LRBA: variants seen among roughly 807,000 people sequenced by gnomAD.
LRBA encodes the protein LPS responsive beige-like anchor protein.
In LRBA, 176 loss-of-function variants were observed where a neutral mutation model predicts 330.0. That is an observed-to-expected ratio of 0.53 (90% CI 0.47 to 0.60). LRBA has a LOEUF of 0.60. Ranked by LOEUF, LRBA falls within the 20% of genes least tolerant of loss-of-function variation. LRBA has a pLI of 0.00. For missense variants in LRBA, 3,259 were observed against 3,444.8 expected, an observed-to-expected ratio of 0.95 and a Z score of 1.35; for synonymous variants, 1,230 against 1,193.0, an observed-to-expected ratio of 1.03 and a Z score of -0.64.
intron 35 of LRBA, among the ~76,000 whole-genome samples, chr4:150,737,983 CTTTTTTTTT>C (rs774453122): frequency 8.9e-6 from 1 of 112,156 alleles, no homozygotes; most frequent in African/African-American, 3.6e-5. Context: ...TTCTCTGAAT[CTTTTTTTTT>C]TTTTTTTTTT....
chr4:150,421,200 AATAT>A (rs970085225), intron 46 of LRBA, among the ~76,000 whole-genome samples: 4 of 136,504 alleles, frequency 2.9e-5, no homozygotes, highest in Admixed American at 1.6e-4. Flanking sequence ...AAACATATAT[AATAT>A]ATAAAGTATA....
chr4:150,858,803 T>TGAGCCAC (rs1284049095), intron 22 of LRBA, among the ~76,000 whole-genome samples: 1 of 152,138 alleles, frequency 6.6e-6, no homozygotes, highest in African/African-American at 2.4e-5. Flanking sequence ...CTGGGAGGCA[T>TGAGCCAC]GAGCCACCAT....
chr4:150,914,307 G>C lies in LRBA; in HGVS notation c.1049C>G (p.Thr350Arg). 1 of 1,578,986 alleles carries C rather than the reference G, an allele frequency of 6.3e-7. No homozygotes were observed. Among genetic ancestry groups the C allele is most frequent in the Non-Finnish European group, 8.6e-7 (1 of 1,161,032 alleles). ...FDKCFLGSSE[T>R]ADANRVFCGQ... ...ACAGAATACTCTATTAGCATCTGCT[G>C]TTTCTGATGAGCCCAGGAAACATTT... Residue 350 changes from threonine (T) to arginine (R), a missense_variant, in exon 9 of 57, where the codon ACA (threonine) becomes AGA (arginine). By Grantham distance (71) the Thr-to-Arg change is moderately conservative (BLOSUM62 -1). Transcript: ENST00000651943.
At chr4:150,586,447 T>C (rs147757177) in intron 40 of LRBA, among the ~76,000 whole-genome samples, 1 of 152,284 alleles carries the variant, frequency 6.6e-6, no homozygotes, top group Non-Finnish European at 1.5e-5. Flanking sequence ...TGTCCTCATT[T>C]ACAGAACACC....
intron 2 of LRBA, among the ~76,000 whole-genome samples, chr4:150,967,714 C>T (rs1217634833): frequency 2.0e-5 from 3 of 152,186 alleles, no homozygotes; most frequent in East Asian, 3.8e-4. Flanking sequence ...GTAAATCTCA[C>T]AATATCTCCA....
chr4:150,958,105 T>C lies in LRBA; in HGVS notation c.217-29040A>G, dbSNP rs972875015. Among the ~76,000 whole-genome samples the C allele has an allele frequency of 5.4e-5, 8 of 149,188 alleles. 1 individual carries two copies. Among genetic ancestry groups the C allele is most frequent in the African/African-American group, 2.1e-4 (8 of 38,574 alleles). On this transcript the variant is annotated intron_variant, in intron 2 of 56. Coordinates refer to ENST00000651943, the MANE Select transcript of LRBA (RefSeq NM_001364905.1). ...CTAGGCAGTGCCCCAGTGGAAACTCTGTGGAGGCGCTTGTACCCCACATTT... is the reference window on the plus strand; with the variant it reads ...CTAGGCAGTGCCCCAGTGGAAACTCCGTGGAGGCGCTTGTACCCCACATTT...
intron 37 of LRBA, among the ~76,000 whole-genome samples, chr4:150,654,192 GT>G (rs1779962819): frequency 6.6e-6 from 1 of 152,034 alleles, no homozygotes; most frequent in Admixed American, 6.6e-5. Context: ...TGTTGTCATT[GT>G]TTTTTGTTGT....
Position 150,270,536 on chromosome 4 carries a change from G to C in LRBA, c.8469-4724C>G, listed in dbSNP as rs577607941. On this transcript the variant is annotated intron_variant, in intron 56 of 56. Coordinates refer to ENST00000651943, the MANE Select transcript of LRBA (RefSeq NM_001364905.1). ...CATGCACATGAGCTGGTGGGAGAGA[G>C]AGTCATTAACATGCAGAGCTTCTGT... 1.3e-3 allele frequency among the ~76,000 whole-genome samples: 195 copies of C among 152,160 alleles called. 1 individual carries two copies. The highest frequency in any genetic ancestry group is 2.3e-3 in the Non-Finnish European group (159 of 68,030).
chr4:150,377,243 G>A, intron 47 of LRBA, among the ~76,000 whole-genome samples: 1 of 151,730 alleles, frequency 6.6e-6, no homozygotes, highest in East Asian at 1.9e-4. Flanking sequence ...TATAGATTTA[G>A]GATTTAAAAG....
chr4:150,345,132 T>C lies in LRBA; in HGVS notation c.7362+4860A>G, dbSNP rs549018739. On this transcript the variant is annotated intron_variant, in intron 48 of 56. Coordinates refer to ENST00000651943, the MANE Select transcript of LRBA (RefSeq NM_001364905.1). ...TTTGGGCTTAGTACCTATCCTATGC[T>C]TGTGCATACATACTTACATATATTT... 1.8e-3 allele frequency among the ~76,000 whole-genome samples: 276 copies of C among 152,308 alleles called. 12 individuals are homozygous for C. In the South Asian group the frequency reaches 0.055, roughly 31 times the overall value.
intron 56 of LRBA, among the ~76,000 whole-genome samples, chr4:150,269,687 A>G (rs775656865): frequency 7.9e-5 from 12 of 152,220 alleles, no homozygotes; most frequent in Non-Finnish European, 1.6e-4. Context: ...GCTTATGGCT[A>G]TAATCCCATC....
intron 36 of LRBA, among the ~76,000 whole-genome samples, chr4:150,706,209 T>C (rs573679469): frequency 1.4e-4 from 22 of 151,818 alleles, no homozygotes; most frequent in Non-Finnish European, 3.0e-4. Context: ...TCAAAACACA[T>C]TGTAAAGACT....
intron 53 of LRBA, among the ~76,000 whole-genome samples, chr4:150,298,269 A>G (rs1729210091): frequency 6.6e-6 from 1 of 152,156 alleles, no homozygotes; most frequent in Non-Finnish European, 1.5e-5. Context: ...TAAATAATTC[A>G]CACCTGGACA....
intron 37 of LRBA, among the ~76,000 whole-genome samples, chr4:150,642,395 G>T (rs998190169): frequency 2.6e-5 from 4 of 151,952 alleles, no homozygotes; most frequent in Non-Finnish European, 5.9e-5. Context: ...TGAAAGAAAA[G>T]AATGGTATTT....
At chr4:150,801,987 G>A (rs533026884) in intron 33 of LRBA, among the ~76,000 whole-genome samples, 32 of 150,230 alleles carry the variant, frequency 2.1e-4, no homozygotes, top group Non-Finnish European at 3.3e-4. Flanking sequence ...CCTGGGCAAC[G>A]CAGCAAAACC....
intron 37 of LRBA, among the ~76,000 whole-genome samples, chr4:150,673,515 C>T (rs1782257347): frequency 6.6e-6 from 1 of 152,088 alleles, no homozygotes; most frequent in Non-Finnish European, 1.5e-5. Flanking sequence ...GGAAAAGTTG[C>T]AAGAACACTT....
At chr4:150,344,588 G>A (rs1233079237) in intron 48 of LRBA, among the ~76,000 whole-genome samples, 1 of 152,134 alleles carries the variant, frequency 6.6e-6, no homozygotes, top group Non-Finnish European at 1.5e-5. Flanking sequence ...TAAAGATAGG[G>A]TCTTACTCTG....
intron 2 of LRBA, among the ~76,000 whole-genome samples, chr4:150,945,902 C>T (rs1215559094): frequency 7.9e-5 from 12 of 151,780 alleles, no homozygotes; most frequent in Admixed American, 2.0e-4. Flanking sequence ...CAGGTTCAAG[C>T]GATTCTCCTG....
At chr4:151,012,489 AG>A (rs1744966469) in intron 2 of LRBA, among the ~76,000 whole-genome samples, 1 of 152,216 alleles carries the variant, frequency 6.6e-6, no homozygotes, top group South Asian at 2.1e-4. Context: ...ACAAAAAATC[AG>A]AAAGGAAATG....
Sources: gnomAD v4.1 joint callset for allele counts (sites outside exome capture counted in the v4.1 genomes callset) on GRCh38, gnomAD v4.1.1 for gene constraint, MANE v1.5 for transcripts, NCBI Gene and HGNC (gene_info 2026-07-23, HGNC 2026-07-21) for gene names.